Variants in PREX2 observed in about 807,000 individuals in gnomAD.
The protein encoded by PREX2 is phosphatidylinositol-3,4,5-trisphosphate dependent Rac exchange factor 2.
A neutral mutation model predicts 203.2 loss-of-function variants in PREX2; 107 were observed. The ratio of observed to expected loss-of-function variants is 0.53; its 90% CI spans 0.45 to 0.62. The LOEUF (loss-of-function observed/expected upper bound fraction) is 0.62, where lower values mean the gene tolerates loss of function less well. PREX2 is among the 20% of genes least tolerant of loss of function. The pLI is 0.00. For missense variants in PREX2, 1,777 were observed against 1,955.9 expected, an observed-to-expected ratio of 0.91 and a Z score of 1.72; for synonymous variants, 672 against 663.6, an observed-to-expected ratio of 1.01 and a Z score of -0.19.
intron 34 of PREX2, among the ~76,000 whole-genome samples, chr8:68,151,783 GAA>G (rs202103860): frequency 3.6e-5 from 5 of 138,868 alleles, no homozygotes; most frequent in African/African-American, 5.3e-5. Context: ...AACCTCCTAT[GAA>G]AAAAAAAAAA....
At chr8:68,146,722 T>A (rs962402136) in intron 34 of PREX2, among the ~76,000 whole-genome samples, 1 of 152,190 alleles carries the variant, frequency 6.6e-6, no homozygotes, top group African/African-American at 2.4e-5. Flanking sequence ...ACAGAATTTA[T>A]ACTTTAGTCT....
intron 35 of PREX2, among the ~76,000 whole-genome samples, chr8:68,181,175 C>T (rs1241495294): frequency 6.6e-6 from 1 of 152,152 alleles, no homozygotes; most frequent in Non-Finnish European, 1.5e-5. Context: ...AGAGTATGTT[C>T]AATTCCAGCT....
intron 10 of PREX2, among the ~76,000 whole-genome samples, chr8:68,058,899 CT>C (rs1808760457): frequency 6.6e-6 from 1 of 152,094 alleles, no homozygotes; most frequent in South Asian, 2.1e-4. Flanking sequence ...TTTGTTTCAC[CT>C]TTTCTTATAT....
At chr8:68,001,946 C>A (rs752624818) in intron 1 of PREX2, among the ~76,000 whole-genome samples, 1 of 151,834 alleles carries the variant, frequency 6.6e-6, no homozygotes, top group African/African-American at 2.4e-5. Context: ...TACTTGAGGG[C>A]GGAGGGTGGG....
rs35221236 is a variant in PREX2, at chr8:68,095,638, A to ATT, written c.2369-1368_2369-1367dup. Among the ~76,000 whole-genome samples, 571 of 121,636 alleles carry ATT rather than the reference A, an allele frequency of 4.7e-3. 9 individuals are homozygous for ATT. Among genetic ancestry groups the ATT allele is most frequent in the African/African-American group, 0.015 (493 of 32,802 alleles). The allele number at this position is 121,636 out of a possible 152,430, so 79.8% of individuals were successfully genotyped here. ...CTTCCCTTCCTTTCCTTTCCTTTCC[A>ATT]TTTTTTTTTTTTCAGAGTCTTTCTT... On this transcript the variant is annotated intron_variant, in intron 21 of 39. Transcript: ENST00000288368.
chr8:68,186,240 T>C (rs966831170), intron 35 of PREX2, among the ~76,000 whole-genome samples: 3 of 152,186 alleles, frequency 2.0e-5, no homozygotes, highest in African/African-American at 7.2e-5. Context: ...TTATATTACA[T>C]AGGAGTATCA....
chr8:68,194,976 C>T (rs1399716301), intron 37 of PREX2, among the ~76,000 whole-genome samples: 1 of 152,136 alleles, frequency 6.6e-6, no homozygotes, highest in African/African-American at 2.4e-5. Context: ...AGTATTTGTG[C>T]TCTTCTCTTA....
At chr8:68,017,588 C>G (rs1327987689) in intron 1 of PREX2, among the ~76,000 whole-genome samples, 2 of 152,192 alleles carry the variant, frequency 1.3e-5, no homozygotes, top group Non-Finnish European at 2.9e-5. Flanking sequence ...TACTTCACAA[C>G]TTTGAGATCC....
chr8:68,024,798 A>G (rs1299270183), intron 4 of PREX2, among the ~76,000 whole-genome samples: 1 of 151,800 alleles, frequency 6.6e-6, no homozygotes, highest in Non-Finnish European at 1.5e-5. Flanking sequence ...AAACTATATC[A>G]TTAGGAGTGT....
intron 7 of PREX2, among the ~76,000 whole-genome samples, chr8:68,043,620 C>T (rs1298000684): frequency 6.6e-6 from 1 of 152,020 alleles, no homozygotes; most frequent in Non-Finnish European, 1.5e-5. Context: ...CACTGAGTCC[C>T]ATTGAATAGT....
intron 17 of PREX2, chr8:68,082,336 C>T (rs1422779871): frequency 6.6e-6 from 1 of 152,208 alleles, no homozygotes; most frequent in Non-Finnish European, 1.5e-5. Flanking sequence ...TAGTGGTAAA[C>T]TGTCACCCAT....
intron 35 of PREX2, among the ~76,000 whole-genome samples, chr8:68,168,123 T>C (rs148889192): frequency 6.6e-6 from 1 of 152,364 alleles, no homozygotes; most frequent in Non-Finnish European, 1.5e-5. Flanking sequence ...CAGCTACGTG[T>C]ACGGATTTCT....
chr8:68,106,233 C>A, intron 23 of PREX2: 1 of 468,722 alleles, frequency 2.1e-6, no homozygotes, highest in Admixed American at 2.6e-5. Flanking sequence ...TTTATTTGTG[C>A]CATGGGTGCC....
At chr8:67,978,096 T>G (rs1806160953) in intron 1 of PREX2, among the ~76,000 whole-genome samples, 1 of 152,058 alleles carries the variant, frequency 6.6e-6, no homozygotes, top group Admixed American at 6.5e-5. Context: ...TGGGGGTTAG[T>G]CTTGTGGGAC....
At chr8:67,956,761 G>A (rs1805503068) in intron 1 of PREX2, among the ~76,000 whole-genome samples, 1 of 152,130 alleles carries the variant, frequency 6.6e-6, no homozygotes, top group Non-Finnish European at 1.5e-5. Context: ...GATTGTTCCT[G>A]GCAAACCAGA....
chr8:68,050,347 G>T (rs1241943833), intron 8 of PREX2, among the ~76,000 whole-genome samples: 1 of 151,718 alleles, frequency 6.6e-6, no homozygotes, highest in African/African-American at 2.4e-5. Context: ...GGCTGGGGAG[G>T]CCCCAGGATA....
chr8:68,171,993 T>G (rs577095947), intron 35 of PREX2, among the ~76,000 whole-genome samples: 1 of 152,340 alleles, frequency 6.6e-6, no homozygotes, highest in African/African-American at 2.4e-5. Flanking sequence ...AGCAGTTTTA[T>G]TTTTGTTCTC....
intron 39 of PREX2, among the ~76,000 whole-genome samples, chr8:68,228,345 G>T (rs1229317289): frequency 6.6e-6 from 1 of 152,138 alleles, no homozygotes. Context: ...AAAATTGGCC[G>T]AGCATGGTGG....
At chr8:68,061,125 A>G (rs1181382904) in intron 11 of PREX2, among the ~76,000 whole-genome samples, 1 of 152,230 alleles carries the variant, frequency 6.6e-6, no homozygotes, top group Non-Finnish European at 1.5e-5. Flanking sequence ...CAGAATGAAT[A>G]GAACTCTGCC....
Sources: gnomAD v4.1 joint callset for allele counts (sites outside exome capture counted in the v4.1 genomes callset) on GRCh38, gnomAD v4.1.1 for gene constraint, MANE v1.5 for transcripts, NCBI Gene and HGNC (gene_info 2026-07-23, HGNC 2026-07-21) for gene names.